IDH1: variants seen among roughly 807,000 people sequenced by gnomAD.
IDH1 encodes isocitrate dehydrogenase [NADP] cytoplasmic.
A neutral mutation model predicts 46.1 loss-of-function variants in IDH1; 33 were observed. The ratio of observed to expected loss-of-function variants is 0.72; its 90% CI spans 0.54 to 0.96. IDH1 has a LOEUF of 0.96. IDH1 is among the 40% of genes least tolerant of loss of function. The probability of loss-of-function intolerance (pLI) is 0.00; values close to 1 mark genes in which losing one functional copy is unlikely to be tolerated. For synonymous variants in IDH1, 144 were observed against 172.8 expected, an observed-to-expected ratio of 0.83 and a Z score of 1.31; for missense variants, 421 against 515.7, an observed-to-expected ratio of 0.82 and a Z score of 1.78.
intron 3 of IDH1, 196 bp downstream of exon 3, chr2:208,251,234 T>G (rs1688116804): frequency 6.2e-6 from 3 of 486,296 alleles, no homozygotes; most frequent in African/African-American, 2.0e-5. Flanking sequence ...TTTTTCCTGT[T>G]TCTCCTTCCC....
chr2:208,250,723 G>C (rs1441697122), intron 3 of IDH1, among the ~76,000 whole-genome samples: 9 of 152,152 alleles, frequency 5.9e-5, no homozygotes, highest in Admixed American at 5.9e-4. Flanking sequence ...TTTACACACA[G>C]GGCAAAGGGA....
chr2:208,246,083 CATT>C (rs1453296659), intron 4 of IDH1, among the ~76,000 whole-genome samples: 5 of 152,138 alleles, frequency 3.3e-5, no homozygotes, highest in Non-Finnish European at 4.4e-5. Flanking sequence ...CTCATGGTAT[CATT>C]GTTACTAGTG....
Position 208,251,509 on chromosome 2 carries a change from C to T in IDH1, c.43G>A (p.Gly15Arg), listed in dbSNP as rs2124868302. 2 of 1,613,640 alleles carry T rather than the reference C, an allele frequency of 1.2e-6. No homozygotes were observed. The highest frequency in any genetic ancestry group is 1.7e-6 in the Non-Finnish European group (2 of 1,179,772). Residue 15 changes from glycine to arginine, a missense_variant, in exon 3 of 10, where the codon GGA becomes AGA. Gly to Arg is a moderately radical substitution (Grantham distance 125). Transcript: ENST00000345146. ...ISGGSVVEMQ[G>R]DEMTRIIWEL... ...CAAATGATTCGTGTCATTTCATCTC[C>T]TTGCATCTCTACCACAGAACCGCCA... is the stretch of plus-strand genomic sequence containing the variant.
intron 4 of IDH1, among the ~76,000 whole-genome samples, chr2:208,245,791 A>C (rs5023935): frequency 0.84 from 95,810 of 114,410 alleles, 39,092 homozygotes; most frequent in East Asian, 0.91. Flanking sequence ...CCCCCCCCCA[A>C]AAAAAAAAAA....
chr2:208,245,456 A>G (rs2124857871), intron 4 of IDH1, 32 bp from the exon 5 acceptor site: 1 of 1,186,130 alleles, frequency 8.4e-7, no homozygotes, highest in Non-Finnish European at 1.3e-6. Flanking sequence ...ATAAAGAAAA[A>G]AAAAATACCC....
intron 3 of IDH1, among the ~76,000 whole-genome samples, chr2:208,250,984 G>A (rs1374826074): frequency 1.3e-5 from 2 of 152,106 alleles, no homozygotes; most frequent in Non-Finnish European, 2.9e-5. Context: ...CTTAGCCACT[G>A]TTTTATTACA....
chr2:208,248,322 A>G, intron 4 of IDH1, 47 bp downstream of exon 4: 6 of 1,558,368 alleles, frequency 3.9e-6, no homozygotes, highest in Non-Finnish European at 5.3e-6. Context: ...TTTCTGGGCC[A>G]TGAAAAAAAA....
chr2:208,251,681 G>A lies in IDH1; in HGVS notation c.-16-114C>T, dbSNP rs1352364783. On this transcript the variant is annotated intron_variant, in intron 2 of 9. Transcript: ENST00000345146. The stretch of plus-strand genomic sequence containing the variant: ...AGTGACTACTAAAAGAACAATTCAT[G>A]CAATTCAATTTATGTGTAGTTGAAT... 3.8e-6 allele frequency: 3 copies of A among 795,118 alleles called. No individual in the cohort carries two copies. In the Admixed American group the frequency reaches 7.6e-5, roughly 20 times the overall value. The allele number at this position is 795,118 out of a possible 1,614,324, so 49.3% of individuals were successfully genotyped here. A position where few individuals can be genotyped will look rare whatever the true frequency, so the allele number is the denominator to read the frequency against.
chr2:208,240,009 A>G lies in IDH1; in HGVS notation c.851-6T>C. ...CATGCCGAGAGAGCCATACCCTGTA[A>G]GTAGTGGAGCATGAAGCGTTGGGTC... On this transcript the variant is annotated splice_polypyrimidine_tract_variant and splice_region_variant and intron_variant, in intron 7 of 9. Coordinates refer to ENST00000345146, the MANE Select transcript of IDH1 (RefSeq NM_005896.4). 6.2e-7 allele frequency: 1 copy of G among 1,614,184 alleles called. No homozygotes were observed. Among genetic ancestry groups the G allele is most frequent in the Non-Finnish European group, 8.5e-7 (1 of 1,180,026 alleles).
chr2:208,241,899 G>T, intron 7 of IDH1, 95 bp downstream of exon 7: 1 of 1,310,010 alleles, frequency 7.6e-7, no homozygotes, highest in South Asian at 1.2e-5. Context: ...AACATTCCAA[G>T]ATTTTACAAC....
chr2:208,237,873 C>T (rs1304177387), intron 9 of IDH1, among the ~76,000 whole-genome samples: 6 of 150,614 alleles, frequency 4.0e-5, no homozygotes, highest in South Asian at 2.1e-4. Flanking sequence ...TTGCAGTGAG[C>T]GAAGATCACG....
At chr2:208,246,366 C>G (rs1045614617) in intron 4 of IDH1, among the ~76,000 whole-genome samples, 18 of 152,206 alleles carry the variant, frequency 1.2e-4, no homozygotes, top group African/African-American at 4.3e-4. Flanking sequence ...CTAATAACAA[C>G]TGGTAAAAGA....
rs564134776 is a variant in IDH1, at chr2:208,252,569, G to A, written c.-16-1002C>T. On this transcript the variant is annotated intron_variant, in intron 2 of 9. Transcript: ENST00000345146. ...TATTCCTTCTAATGATGCTCTAATC[G>A]AAACTCTTTTTTAATCCAACAACAC... Among the ~76,000 whole-genome samples the A allele has an allele frequency of 6.6e-5, 10 of 152,260 alleles. 1 individual carries two copies. In the South Asian group the frequency reaches 1.9e-3, roughly 28 times the overall value.
chr2:208,239,357 C>G (rs978117893), intron 8 of IDH1, 124 bp from the exon 9 acceptor site: 1 of 922,812 alleles, frequency 1.1e-6, no homozygotes, highest in Admixed American at 2.1e-5. Flanking sequence ...TAGATACTAA[C>G]CACATGGGCT....
At position 208,239,950 on chromosome 2, in the gene IDH1, T is replaced by A. The variant is rs1050004267; in HGVS notation, c.904A>T (p.Thr302Ser). Residue 302 changes from threonine (T) to serine (S), a missense_variant, in exon 8 of 10, where the codon ACA becomes TCA. Physicochemically the swap from Thr to Ser is moderately conservative, Grantham distance 58 (BLOSUM62 1). Coordinates refer to ENST00000345146, the MANE Select transcript of IDH1 (RefSeq NM_005896.4). ...TSVLVCPDGK[T>S]VEAEAAHGTV... ...CCGTGGGCAGCCTCTGCTTCTACTGTCTTGCCATCTGGACAAACCAGCACG... is the reference window on the plus strand; with the variant it reads ...CCGTGGGCAGCCTCTGCTTCTACTGACTTGCCATCTGGACAAACCAGCACG... 1 of 1,614,046 alleles carries A rather than the reference T, an allele frequency of 6.2e-7. No individual in the cohort carries two copies. The highest frequency in any genetic ancestry group is 1.3e-5 in the African/African-American group (1 of 74,924).
At chr2:208,242,290 C>A (rs1014493738) in intron 6 of IDH1, 145 bp from the exon 7 acceptor site, 39 of 774,776 alleles carry the variant, frequency 5.0e-5, no homozygotes, top group Non-Finnish European at 8.1e-5. Flanking sequence ...ATCTGACAGA[C>A]ATTGGCTCAA....
rs141699410 is a variant in IDH1, at chr2:208,246,772, G to A, written c.415-1348C>T. ...AGCCTGACCAACATGGTGAAACCCC[G>A]TCTCTACTAAAAACACAAAAATTAG... On this transcript the variant is annotated intron_variant, in intron 4 of 9. Coordinates refer to ENST00000345146, the MANE Select transcript of IDH1 (RefSeq NM_005896.4). Among the ~76,000 whole-genome samples the A allele has an allele frequency of 6.6e-3, 1,000 of 151,616 alleles. 12 individuals are homozygous for A. Among genetic ancestry groups the A allele is most frequent in the African/African-American group, 0.023 (941 of 41,324 alleles).
intron 7 of IDH1, among the ~76,000 whole-genome samples, 160 bp downstream of exon 7, chr2:208,241,834 C>T (rs923314330): frequency 6.6e-6 from 1 of 152,184 alleles, no homozygotes; most frequent in Non-Finnish European, 1.5e-5. Context: ...AATCATTTCT[C>T]TAGTCTGAGC....
intron 4 of IDH1, 115 bp from the exon 5 acceptor site, chr2:208,245,539 C>T (rs1574406807): frequency 2.7e-6 from 1 of 376,386 alleles, no homozygotes; most frequent in Non-Finnish European, 4.8e-6. Flanking sequence ...GGCAGTATGT[C>T]AAACTTCTTT....
Sources: allele counts gnomAD v4.1 joint callset (sites outside exome capture counted in the v4.1 genomes callset), GRCh38; gene constraint gnomAD v4.1.1; transcripts MANE v1.5; gene names NCBI Gene and HGNC (gene_info 2026-07-23, HGNC 2026-07-21).